Variants in ATG7 observed in about 807,000 individuals in gnomAD.
The protein encoded by ATG7 is autophagy related 7, also known as ubiquitin-like modifier-activating enzyme ATG7.
ATG7 carries 70 observed loss-of-function variants against 82.4 expected under a neutral mutation model. The observed-to-expected ratio is 0.85, with a 90% confidence interval of 0.70 to 1.04. ATG7 has a LOEUF of 1.04. Ranked by LOEUF, ATG7 falls within the 50% of genes least tolerant of loss-of-function variation. ATG7 has a pLI of 0.00. For synonymous variants in ATG7, 287 were observed against 313.0 expected (o/e 0.92, Z 0.88); for missense variants, 792 against 864.3 (o/e 0.92, Z 1.05).
chr3:11,505,084 A>G (rs1428871925), intron 20 of ATG7, among the ~76,000 whole-genome samples: 4 of 152,226 alleles, frequency 2.6e-5, no homozygotes, highest in Non-Finnish European at 5.9e-5. Flanking sequence ...GTAAGTCTCT[A>G]CGGAGTATAG....
At chr3:11,376,502 G>A (rs977596668) in intron 18 of ATG7, among the ~76,000 whole-genome samples, 6 of 152,156 alleles carry the variant, frequency 3.9e-5, no homozygotes, top group African/African-American at 1.4e-4. Context: ...TTTAAGGAAG[G>A]TGAACACTTA....
chr3:11,389,034 GGTC>G (rs1344500928), intron 19 of ATG7, among the ~76,000 whole-genome samples: 4 of 151,916 alleles, frequency 2.6e-5, no homozygotes, highest in Non-Finnish European at 4.4e-5. Context: ...GATCACCTGA[GGTC>G]AGGAGTTCAA....
intron 1 of ATG7, among the ~76,000 whole-genome samples, chr3:11,275,295 G>A (rs983135682): frequency 1.6e-4 from 24 of 151,096 alleles, no homozygotes; most frequent in African/African-American, 5.8e-4. Flanking sequence ...TGCCTCTGTC[G>A]TCCACTTCTA....
At chr3:11,445,890 C>A (rs1423572723) in intron 20 of ATG7, among the ~76,000 whole-genome samples, 1 of 152,120 alleles carries the variant, frequency 6.6e-6, no homozygotes, top group Non-Finnish European at 1.5e-5. Context: ...TTCCTGATCA[C>A]TGATGATGTT....
At chr3:11,492,774 C>T (rs1421095400) in intron 20 of ATG7, among the ~76,000 whole-genome samples, 1 of 152,206 alleles carries the variant, frequency 6.6e-6, no homozygotes, top group African/African-American at 2.4e-5. Flanking sequence ...TCGCACTCCA[C>T]CCCTTGCGGG....
chr3:11,289,705 G>A lies in ATG7; in HGVS notation c.-11+7267G>A, dbSNP rs148429272. ...CCCGAGTTGTTGGGACTACCGATGC[G>A]CCCTGCAATGCCCGGCAAATTTTAA... is the stretch of plus-strand genomic sequence containing the variant. On this transcript the variant is annotated intron_variant, in intron 3 of 20. Coordinates refer to ENST00000693202, the MANE Select transcript of ATG7 (RefSeq NM_001349232.2). Among the ~76,000 whole-genome samples, 737 of 152,170 alleles carry A rather than the reference G, an allele frequency of 4.8e-3. 6 individuals carry two copies. Among genetic ancestry groups the A allele is most frequent in the African/African-American group, 0.017 (705 of 41,508 alleles).
chr3:11,534,004 C>G (rs1220022497), intron 20 of ATG7, among the ~76,000 whole-genome samples: 1 of 152,188 alleles, frequency 6.6e-6, no homozygotes, highest in Non-Finnish European at 1.5e-5. Context: ...AAGGAAAAGT[C>G]CAGAATTTCA....
At chr3:11,357,273 CACTGTT>C (rs2075995087) in intron 14 of ATG7, among the ~76,000 whole-genome samples, 1 of 152,146 alleles carries the variant, frequency 6.6e-6, no homozygotes. Flanking sequence ...ATATGTGACT[CACTGTT>C]AATGTGCCAA....
At chr3:11,425,815 C>T (rs1334153199) in intron 19 of ATG7, among the ~76,000 whole-genome samples, 1 of 152,152 alleles carries the variant, frequency 6.6e-6, no homozygotes, top group Non-Finnish European at 1.5e-5. Context: ...CCCTTACAGT[C>T]TCTCTGTGGG....
intron 20 of ATG7, among the ~76,000 whole-genome samples, chr3:11,545,156 G>T (rs1407942159): frequency 6.6e-6 from 1 of 152,180 alleles, no homozygotes; most frequent in East Asian, 1.9e-4. Flanking sequence ...AGGGTGCCGG[G>T]GTGGGGAGCT....
At chr3:11,438,133 G>T (rs1214973906) in intron 20 of ATG7, among the ~76,000 whole-genome samples, 2 of 152,010 alleles carry the variant, frequency 1.3e-5, no homozygotes, top group Admixed American at 1.3e-4. Context: ...ACCCTATTAG[G>T]CAACATGCCC....
At chr3:11,551,573 T>C (rs2071786218) in intron 20 of ATG7, among the ~76,000 whole-genome samples, 2 of 152,178 alleles carry the variant, frequency 1.3e-5, no homozygotes, top group South Asian at 4.1e-4. Context: ...TTTAGCTTTT[T>C]CACTGCTTTT....
In ATG7 at chr3:11,556,496, G is replaced by C. The variant is rs576319889; in HGVS notation, c.*1653G>C. The C allele has an allele frequency of 6.6e-6, 1 of 152,592 alleles. No individual in the cohort carries two copies. Among genetic ancestry groups the C allele is most frequent in the Non-Finnish European group, 1.5e-5 (1 of 68,018 alleles). 9.5% of individuals were successfully genotyped at this position (152,592 alleles called of 1,614,324 possible). On this transcript the variant is annotated 3_prime_UTR_variant, in exon 21 of 21. Coordinates refer to ENST00000693202, the MANE Select transcript of ATG7 (RefSeq NM_001349232.2). ...CAGCTGTGGGTGGTTTTCCTGTTAC[G>C]ACGCTCAGTAGCCTGTAGCAATAAC...
At chr3:11,442,193 C>G (rs1272193020) in intron 20 of ATG7, among the ~76,000 whole-genome samples, 1 of 152,152 alleles carries the variant, frequency 6.6e-6, no homozygotes, top group African/African-American at 2.4e-5. Flanking sequence ...AAGCCAAGCT[C>G]TCTTCAGCCC....
intron 5 of ATG7, among the ~76,000 whole-genome samples, chr3:11,304,047 C>G (rs919533045): frequency 1.3e-5 from 2 of 151,640 alleles, no homozygotes; most frequent in Non-Finnish European, 2.9e-5. Context: ...GCCGAGATCG[C>G]ACGACTGCAC....
downstream of ATG7, among the ~76,000 whole-genome samples, chr3:11,560,917 G>C (rs985297357): frequency 3.9e-5 from 6 of 152,150 alleles, no homozygotes; most frequent in African/African-American, 1.4e-4. Context: ...AGACAGGCTC[G>C]GAAAGGGGGT....
chr3:11,551,753 C>CTT (rs111362668), intron 20 of ATG7, among the ~76,000 whole-genome samples: 2,342 of 146,930 alleles, frequency 0.016, 68 homozygotes, highest in African/African-American at 0.057. Flanking sequence ...CTTTTCTTTT[C>CTT]TTTTTTTTTT....
chr3:11,575,544 A>G, the ATG7 span, among the ~76,000 whole-genome samples: 1 of 152,220 alleles, frequency 6.6e-6, no homozygotes, highest in Non-Finnish European at 1.5e-5. Flanking sequence ...AGATCTGTGC[A>G]AGGGACGGAA....
At chr3:11,500,159 G>A (rs768793270) in intron 20 of ATG7, among the ~76,000 whole-genome samples, 28 of 152,070 alleles carry the variant, frequency 1.8e-4, no homozygotes, top group Non-Finnish European at 3.5e-4. Context: ...TAGCAGCAAC[G>A]CGCAACATAA....
Sources: gnomAD v4.1 joint callset for allele counts (sites outside exome capture counted in the v4.1 genomes callset) on GRCh38, gnomAD v4.1.1 for gene constraint, MANE v1.5 for transcripts, NCBI Gene and HGNC (gene_info 2026-07-23, HGNC 2026-07-21) for gene names.